The following AFF3 variants were observed in gnomAD, a reference collection of about 807,000 sequenced individuals.
AFF3 encodes the protein AF4/FMR2 family member 3.
In AFF3, 32 loss-of-function variants were observed where a neutral mutation model predicts 129.7. The ratio of observed to expected loss-of-function variants is 0.25; its 90% CI spans 0.19 to 0.33. The LOEUF is 0.33. AFF3 is among the 10% of genes least tolerant of loss of function. The probability of loss-of-function intolerance (pLI) is 1.00; values close to 1 mark genes in which losing one functional copy is unlikely to be tolerated. For missense variants in AFF3, 1,373 were observed against 1,592.0 expected (o/e 0.86, Z 2.34); for synonymous variants, 644 against 635.4 (o/e 1.01, Z -0.20).
chr2:99,743,054 T>A (rs1404710387), intron 10 of AFF3, among the ~76,000 whole-genome samples: 1 of 152,222 alleles, frequency 6.6e-6, no homozygotes, highest in Non-Finnish European at 1.5e-5. Flanking sequence ...ACCAAGTGTT[T>A]CTTCTGATCT....
intron 8 of AFF3, among the ~76,000 whole-genome samples, chr2:99,802,414 A>C (rs1182065153): frequency 6.6e-6 from 1 of 152,144 alleles, no homozygotes; most frequent in Non-Finnish European, 1.5e-5. Context: ...TAATCCCAGC[A>C]CTTTGGGAGG....
chr2:100,124,487 C>T (rs72819177), intron 2 of AFF3, among the ~76,000 whole-genome samples: 17,373 of 152,176 alleles, frequency 0.11, 1,210 homozygotes, highest in Non-Finnish European at 0.14. Context: ...ATTTTTTATA[C>T]ATCCTTTTTT....
intron 11 of AFF3, among the ~76,000 whole-genome samples, chr2:99,701,705 G>A (rs377050646): frequency 2.0e-5 from 3 of 152,162 alleles, no homozygotes; most frequent in Non-Finnish European, 4.4e-5. Context: ...GTGTGTGCAC[G>A]TAGCTATATG....
At chr2:99,678,981 C>T (rs1674275775) in intron 11 of AFF3, among the ~76,000 whole-genome samples, 1 of 152,236 alleles carries the variant, frequency 6.6e-6, no homozygotes, top group Admixed American at 6.5e-5. Context: ...GAACTTAGCT[C>T]ATGCCATCCC....
chr2:99,718,406 T>C (rs1311846415), intron 11 of AFF3, among the ~76,000 whole-genome samples: 2 of 152,262 alleles, frequency 1.3e-5, no homozygotes, highest in Non-Finnish European at 2.9e-5. Context: ...TTATGTTTTT[T>C]ATGTCAGTTT....
At chr2:100,050,432 C>CA (rs1559087494) in intron 4 of AFF3, among the ~76,000 whole-genome samples, 1 of 151,986 alleles carries the variant, frequency 6.6e-6, no homozygotes, top group Non-Finnish European at 1.5e-5. Context: ...TCTTGCAGTT[C>CA]AAGACTCCTG....
At chr2:100,125,106 A>G (rs1194094326) in intron 2 of AFF3, among the ~76,000 whole-genome samples, 3 of 152,222 alleles carry the variant, frequency 2.0e-5, no homozygotes, top group African/African-American at 7.2e-5. Context: ...AGGGCCATCA[A>G]TAACTTTATC....
At chr2:99,857,821 A>C (rs1460885782) in intron 7 of AFF3, among the ~76,000 whole-genome samples, 6 of 152,192 alleles carry the variant, frequency 3.9e-5, no homozygotes, top group African/African-American at 1.2e-4. Context: ...CCTTCTCCTC[A>C]AATTGACCTT....
rs550757660 is a variant in AFF3, at chr2:100,064,630, T to C, written c.53+39772A>G. Among the ~76,000 whole-genome samples the C allele has an allele frequency of 5.3e-5, 8 of 152,342 alleles. No homozygotes were observed. The South Asian group carries it at 1.2e-3, about 24-fold the overall frequency. ...ATTCCTGTTACCTATGCATTGCAAG[T>C]TGCAGAAGAAACCAAGTCTATCTCT... On this transcript the variant is annotated intron_variant, in intron 4 of 24. Coordinates refer to ENST00000672756, the MANE Select transcript of AFF3 (RefSeq NM_001386135.1).
intron 12 of AFF3, among the ~76,000 whole-genome samples, chr2:99,664,310 G>T (rs1171529597): frequency 6.6e-6 from 1 of 152,178 alleles, no homozygotes; most frequent in African/African-American, 2.4e-5. Context: ...ATTTATGTTT[G>T]TAAACTTTCT....
intron 7 of AFF3, among the ~76,000 whole-genome samples, chr2:99,883,088 G>T (rs1401388734): frequency 6.6e-6 from 1 of 152,136 alleles, no homozygotes; most frequent in Admixed American, 6.5e-5. Flanking sequence ...AACTGGCTAG[G>T]ATATCAATAA....
chr2:99,980,513 T>G (rs1364813719), intron 7 of AFF3, among the ~76,000 whole-genome samples: 2 of 152,228 alleles, frequency 1.3e-5, no homozygotes, highest in Non-Finnish European at 2.9e-5. Flanking sequence ...ATATACCCTA[T>G]GAAAGGATTT....
At chr2:99,609,367 T>C (rs1474206957) in intron 13 of AFF3, among the ~76,000 whole-genome samples, 1 of 152,152 alleles carries the variant, frequency 6.6e-6, no homozygotes, top group African/African-American at 2.4e-5. Context: ...TTGTAGTCTT[T>C]GATCCCTCAC....
chr2:99,644,984 G>A (rs189183151), intron 13 of AFF3, among the ~76,000 whole-genome samples: 10 of 152,276 alleles, frequency 6.6e-5, no homozygotes, highest in Non-Finnish European at 4.4e-5. Context: ...TAAGTGAGAC[G>A]AATTCTGTCC....
intron 4 of AFF3, among the ~76,000 whole-genome samples, chr2:100,040,689 C>A (rs1685350656): frequency 6.6e-6 from 1 of 152,188 alleles, no homozygotes; most frequent in Non-Finnish European, 1.5e-5. Context: ...CTGCTACCGA[C>A]AGGCTTGCTA....
chr2:99,547,725 T>A lies in AFF3; in HGVS notation c.*3749A>T. Reference sequence around the variant, plus strand: ...CACTAGTAATATCCTTCAGGCGTACTACAGTTTTATGTTAGCTGTATTGTA... The same window carrying A: ...CACTAGTAATATCCTTCAGGCGTACAACAGTTTTATGTTAGCTGTATTGTA... On this transcript the variant is annotated 3_prime_UTR_variant, in exon 25 of 25. Coordinates refer to ENST00000672756, the MANE Select transcript of AFF3 (RefSeq NM_001386135.1). The A allele has an allele frequency of 1.4e-5, 3 of 208,996 alleles. No homozygotes were observed. The highest frequency in any genetic ancestry group is 2.9e-5 in the Non-Finnish European group (3 of 102,526). The allele number at this position is 208,996 out of a possible 1,614,324, so 12.9% of individuals were successfully genotyped here. A position where few individuals can be genotyped will look rare whatever the true frequency, so the allele number is the denominator to read the frequency against.
At chr2:100,115,153 CAG>C (rs1691690008) in intron 2 of AFF3, among the ~76,000 whole-genome samples, 1 of 152,194 alleles carries the variant, frequency 6.6e-6, no homozygotes, top group Non-Finnish European at 1.5e-5. Context: ...AATCACAGAG[CAG>C]ACTCTTTATC....
chr2:99,821,010 T>C (rs1210125027), intron 8 of AFF3, among the ~76,000 whole-genome samples: 1 of 151,560 alleles, frequency 6.6e-6, no homozygotes, highest in Non-Finnish European at 1.5e-5. Context: ...GTAGCTGGGA[T>C]TACAGGTGCA....
chr2:99,629,070 C>G (rs903655376), intron 13 of AFF3, among the ~76,000 whole-genome samples: 1 of 152,088 alleles, frequency 6.6e-6, no homozygotes, highest in East Asian at 1.9e-4. Context: ...GTTGGCCAGG[C>G]TGGTCTCAAA....
Sources: gnomAD v4.1 joint callset for allele counts (sites outside exome capture counted in the v4.1 genomes callset) on GRCh38, gnomAD v4.1.1 for gene constraint, MANE v1.5 for transcripts, NCBI Gene and HGNC (gene_info 2026-07-23, HGNC 2026-07-21) for gene names.